TRIP12: variants seen among roughly 807,000 people sequenced by gnomAD.
The protein encoded by TRIP12 is thyroid hormone receptor interactor 12.
Under a neutral mutation model 244.2 loss-of-function variants are expected in TRIP12, and 25 were observed. The ratio of observed to expected loss-of-function variants is 0.10; its 90% CI spans 0.07 to 0.14. The LOEUF (loss-of-function observed/expected upper bound fraction) is 0.14. TRIP12 is among the 10% of genes least tolerant of loss of function. The pLI, the probability that TRIP12 is intolerant of heterozygous loss-of-function variation, is 1.00. For missense variants in TRIP12, 1,677 were observed against 2,486.4 expected, an observed-to-expected ratio of 0.67 and a Z score of 6.92; for synonymous variants, 905 against 873.1, an observed-to-expected ratio of 1.04 and a Z score of -0.64.
intron 1 of TRIP12, among the ~76,000 whole-genome samples, chr2:229,916,824 A>T (rs1031054408): frequency 4.0e-5 from 6 of 150,930 alleles, no homozygotes; most frequent in Admixed American, 1.3e-4. Flanking sequence ...CTACATTTTT[A>T]AAAAACCCAA....
intron 1 of TRIP12, among the ~76,000 whole-genome samples, chr2:229,904,569 T>A (rs1258947361): frequency 6.6e-6 from 1 of 152,146 alleles, no homozygotes; most frequent in Non-Finnish European, 1.5e-5. Context: ...CAATATGATC[T>A]GCTATTATTA....
At chr2:229,911,175 A>G (rs781770940) in intron 1 of TRIP12, among the ~76,000 whole-genome samples, 4 of 152,262 alleles carry the variant, frequency 2.6e-5, no homozygotes, top group Admixed American at 6.5e-5. Flanking sequence ...TTTTTATTCT[A>G]AAGTCCACAA....
intron 1 of TRIP12, chr2:229,921,645 C>T (rs899184890): frequency 3.3e-5 from 5 of 152,316 alleles, no homozygotes; most frequent in Non-Finnish European, 5.9e-5. Flanking sequence ...AGGCCCCGGT[C>T]CCTCCGGCCG....
chr2:229,767,438 T>C lies in TRIP12; in HGVS notation c.*116A>G. ...TGTCTCTTTATAATCTGCAAGCCGT[T>C]TTTCCTACAACAAGAAGGCGTAACA... On this transcript the variant is annotated 3_prime_UTR_variant, in exon 42 of 42. Transcript: ENST00000675903. 1 of 1,303,428 alleles carries C rather than the reference T, an allele frequency of 7.7e-7. No individual in the cohort carries two copies. Among genetic ancestry groups the C allele is most frequent in the Non-Finnish European group, 1.0e-6 (1 of 977,842 alleles). The allele number at this position is 1,303,428 out of a possible 1,614,324, so 80.7% of individuals were successfully genotyped here. A position where few individuals can be genotyped will look rare whatever the true frequency, so the allele number is the denominator to read the frequency against.
rs375870736 is a variant in TRIP12 at position 229,836,828 on chromosome 2, G to A, written c.1270+20C>T. 8.8e-6 allele frequency: 14 copies of A among 1,582,632 alleles called. No individual in the cohort carries two copies. The highest frequency in any genetic ancestry group is 1.2e-5 in the Non-Finnish European group (14 of 1,170,076). ...GTAAAAGACAGAAACGCATTTTAAA[G>A]CTAAGAAGTACCAATCTACCTGCAG... On this transcript the variant is annotated intron_variant, in intron 6 of 41. Coordinates refer to ENST00000675903, the MANE Select transcript of TRIP12 (RefSeq NM_001348323.3).
intron 1 of TRIP12, among the ~76,000 whole-genome samples, chr2:229,904,941 T>G (rs533929220): frequency 1.3e-5 from 2 of 152,182 alleles, no homozygotes; most frequent in Non-Finnish European, 2.9e-5. Context: ...GAACTCTATC[T>G]CTGAAGCTTT....
chr2:229,884,918 C>T (rs1021742436), intron 1 of TRIP12, among the ~76,000 whole-genome samples: 5 of 152,016 alleles, frequency 3.3e-5, no homozygotes, highest in African/African-American at 1.2e-4. Context: ...TGTGGCAGGC[C>T]GTGATAATAC....
At position 229,805,795 on chromosome 2, in the gene TRIP12, T is replaced by C. The variant is rs371628854; in HGVS notation, c.2585A>G (p.Asn862Ser). 6.8e-6 allele frequency: 11 copies of C among 1,611,606 alleles called. No homozygotes were observed. The highest frequency in any genetic ancestry group is 1.7e-5 in the Admixed American group (1 of 60,004). ...TIDFNSMQQI[N>S]EDTGTARAIQ... ...GGCACGTGCTGTTCCCGTGTCCTCATTGATTTGCTGCATAGAATTAAAATC... is the reference window on the plus strand; with the variant it reads ...GGCACGTGCTGTTCCCGTGTCCTCACTGATTTGCTGCATAGAATTAAAATC... The change falls in exon 18 of 42, where the codon AAT becomes AGT. Residue 862 changes from asparagine (N) to serine (S), a missense_variant. Asn to Ser is a conservative substitution (Grantham distance 46). This residue lies in a region of TRIP12 where 572 missense variants were observed against 867.8 expected (regional missense o/e 0.66). Transcript: ENST00000675903.
chr2:229,844,647 G>A (rs1372207019), intron 4 of TRIP12, among the ~76,000 whole-genome samples: 1 of 152,176 alleles, frequency 6.6e-6, no homozygotes, highest in African/African-American at 2.4e-5. Context: ...TACACAAGAA[G>A]TCAAAGCAAA....
Position 229,920,710 on chromosome 2 carries a change from G to C in TRIP12, c.-50+1170C>G, listed in dbSNP as rs566856652. 5.3e-5 allele frequency among the ~76,000 whole-genome samples: 8 copies of C among 152,202 alleles called. No individual in the cohort carries two copies. In the South Asian group the frequency reaches 1.0e-3, roughly 20 times the overall value. On this transcript the variant is annotated intron_variant, in intron 1 of 41. Transcript: ENST00000675903. ...GTCCCCCACCAGGAGTTCAAAGTGT[G>C]ATTTCCCCCCGATTTACATGTGTTT...
chr2:229,771,956 A>G (rs1162423629), intron 38 of TRIP12, among the ~76,000 whole-genome samples: 5 of 152,254 alleles, frequency 3.3e-5, no homozygotes, highest in African/African-American at 1.2e-4. Flanking sequence ...AGAATTTCCC[A>G]AGAGGATAAA....
Position 229,811,199 on chromosome 2 carries a change from T to C in TRIP12, c.1992A>G (p.Lys664=), listed in dbSNP as rs2047159927. ...AAAGGCAAGTGCTTTCTACTGACTT[T>C]TTATCCTATTTTTTTAATAAAGGAA... is the stretch of plus-strand genomic sequence containing the variant. ...LLTQRLTHQD[K]KSVESTCLCF... is the part of the protein sequence containing the mutation. Residue 664 remains lysine, a synonymous_variant, in exon 14 of 42, where the codon AAA becomes AAG. Coordinates refer to ENST00000675903, the MANE Select transcript of TRIP12 (RefSeq NM_001348323.3). The C allele has an allele frequency of 6.2e-7, 1 of 1,613,044 alleles. No homozygotes were observed. The highest frequency in any genetic ancestry group is 1.3e-5 in the African/African-American group (1 of 74,894).
intron 2 of TRIP12, among the ~76,000 whole-genome samples, chr2:229,875,773 T>A (rs988393847): frequency 6.6e-6 from 1 of 152,228 alleles, no homozygotes; most frequent in African/African-American, 2.4e-5. Context: ...AATACCTTTA[T>A]GGGGCAAGTC....
chr2:229,813,633 A>C (rs1266352532), intron 13 of TRIP12, among the ~76,000 whole-genome samples: 2 of 151,876 alleles, frequency 1.3e-5, no homozygotes, highest in Non-Finnish European at 2.9e-5. Context: ...AAAATACAAA[A>C]ATGAGCTGGG....
chr2:229,787,545 G>C lies in TRIP12; in HGVS notation c.4955C>G (p.Ser1652Cys). The change falls in exon 33 of 42, where the codon TCT becomes TGT. Residue 1652 changes from serine (S) to cysteine (C), a missense_variant. Around this residue, in one of 11 missense-constraint regions of TRIP12, gnomAD observed 30 missense variants for 64.7 expected, o/e 0.46. Transcript: ENST00000675903. ...DTNPEINQSD[S>C]QDSRVAPRLD... is the part of the protein sequence containing the mutation. The stretch of plus-strand genomic sequence containing the variant: ...TCTAGGTGCAACTCTGCTATCTTGA[G>C]AATCAGACTGGTTGATTTCTGGGTT... 1 of 1,613,730 alleles carries C rather than the reference G, an allele frequency of 6.2e-7. No homozygotes were observed. The highest frequency in any genetic ancestry group is 8.5e-7 in the Non-Finnish European group (1 of 1,179,876).
intron 1 of TRIP12, among the ~76,000 whole-genome samples, chr2:229,912,811 CTCTAAGAGGGCAGATCTTGTA>C (rs2074578516): frequency 6.6e-6 from 1 of 152,174 alleles, no homozygotes; most frequent in Non-Finnish European, 1.5e-5. Context: ...TTTCAGCACC[CTCTAAGAGGGCAGATCTTGTA>C]TGGAACCAGA....
chr2:229,764,069 G>C lies in TRIP12; in HGVS notation c.*3485C>G, dbSNP rs541809050. On this transcript the variant is annotated 3_prime_UTR_variant, in exon 42 of 42. Transcript: ENST00000675903. ...TAAAACCACCTCTTCCATTATTAAA[G>C]AATGTCTCCTTCATGCAGAACAAGT... is the stretch of plus-strand genomic sequence containing the variant. 6.6e-6 allele frequency: 1 copy of C among 152,300 alleles called. No individual in the cohort carries two copies. Among genetic ancestry groups the C allele is most frequent in the Non-Finnish European group, 1.5e-5 (1 of 68,018 alleles). 9.4% of individuals were successfully genotyped at this position (152,300 alleles called of 1,614,324 possible).
At chr2:229,891,344 G>A (rs2067309103) in intron 1 of TRIP12, among the ~76,000 whole-genome samples, 1 of 152,178 alleles carries the variant, frequency 6.6e-6, no homozygotes. Context: ...AGGACTGCTT[G>A]AGCCTGGGAA....
rs146040350 is a variant in TRIP12 at position 229,766,288 on chromosome 2, A to ACC, written c.*1264_*1265dup. The ACC allele has an allele frequency of 1.8e-4, 27 of 152,284 alleles. 1 individual carries two copies. The East Asian group carries it at 5.2e-3, about 29-fold the overall frequency. 9.4% of individuals were successfully genotyped at this position (152,284 alleles called of 1,614,324 possible). Reference sequence around the variant, plus strand: ...TGTTTGAATAGCAAAATCAGCCATGACCCGAATCATGGAGATATGTGGATT... The same window carrying ACC: ...TGTTTGAATAGCAAAATCAGCCATGACCCCCGAATCATGGAGATATGTGGATT... On this transcript the variant is annotated 3_prime_UTR_variant, in exon 42 of 42. Coordinates refer to ENST00000675903, the MANE Select transcript of TRIP12 (RefSeq NM_001348323.3).
Sources: allele counts gnomAD v4.1 joint callset (sites outside exome capture counted in the v4.1 genomes callset), GRCh38; gene constraint gnomAD v4.1.1; regional missense constraint gnomAD v4.1.1; transcripts MANE v1.5; gene names NCBI Gene and HGNC (gene_info 2026-07-23, HGNC 2026-07-21).